Variants in PTPN13 observed in about 807,000 individuals in gnomAD.
PTPN13 encodes the protein protein tyrosine phosphatase non-receptor type 13, also known as tyrosine-protein phosphatase non-receptor type 13.
Under a neutral mutation model 284.0 loss-of-function variants are expected in PTPN13, and 191 were observed. That is an observed-to-expected ratio of 0.67 (90% CI 0.60 to 0.76). The LOEUF is 0.76. Ranked by LOEUF, PTPN13 falls within the 30% of genes least tolerant of loss-of-function variation. The pLI, the probability that PTPN13 is intolerant of heterozygous loss-of-function variation, is 0.00. For synonymous variants in PTPN13, 986 were observed against 1,022.3 expected, an observed-to-expected ratio of 0.96 and a Z score of 0.68; for missense variants, 2,797 against 2,939.9, an observed-to-expected ratio of 0.95 and a Z score of 1.12.
chr4:86,607,244 A>G (rs1038680522), intron 1 of PTPN13, among the ~76,000 whole-genome samples: 4 of 151,866 alleles, frequency 2.6e-5, no homozygotes, highest in African/African-American at 9.7e-5. Context: ...CAACCTTTTT[A>G]TACTACATGA....
At chr4:86,694,803 C>T in intron 6 of PTPN13, among the ~76,000 whole-genome samples, 1 of 151,848 alleles carries the variant, frequency 6.6e-6, no homozygotes, top group Non-Finnish European at 1.5e-5. Context: ...TAGATCTTGT[C>T]CTAGATCTTG....
At chr4:86,677,634 G>GTT (rs1268754143) in intron 3 of PTPN13, among the ~76,000 whole-genome samples, 1 of 140,296 alleles carries the variant, frequency 7.1e-6, no homozygotes, top group African/African-American at 2.6e-5. Context: ...TCTTGTGTGG[G>GTT]TTTTTTTTTT....
chr4:86,605,373 G>T (rs1439580539), intron 1 of PTPN13, among the ~76,000 whole-genome samples: 1 of 151,904 alleles, frequency 6.6e-6, no homozygotes, highest in Non-Finnish European at 1.5e-5. Context: ...TCTGATCTAT[G>T]AGGATTCATA....
rs1431460280 is a variant in PTPN13 at position 86,745,063 on chromosome 4, C to G, written c.2585C>G (p.Ser862Cys). Residue 862 changes from serine to cysteine, a missense_variant, in exon 17 of 48, where the codon TCT becomes TGT. Ser to Cys is a moderately radical substitution (Grantham distance 112, BLOSUM62 -1). Coordinates refer to ENST00000411767, the MANE Select transcript of PTPN13 (RefSeq NM_080683.3). ...KICQYLLHLC[S>C]YQHKFQLQMR... Reference sequence around the variant, plus strand: ...TGCCAGTACCTGCTGCACCTCTGCTCTTACCAGCATAAGTTCCAGCTACAG... The same window carrying G: ...TGCCAGTACCTGCTGCACCTCTGCTGTTACCAGCATAAGTTCCAGCTACAG... The G allele has an allele frequency of 1.2e-6, 2 of 1,612,290 alleles. No individual in the cohort carries two copies. Among genetic ancestry groups the G allele is most frequent in the South Asian group, 2.2e-5 (2 of 90,498 alleles).
intron 7 of PTPN13, among the ~76,000 whole-genome samples, chr4:86,702,740 G>T (rs1045624971): frequency 6.6e-6 from 1 of 152,054 alleles, no homozygotes; most frequent in Non-Finnish European, 1.5e-5. Context: ...CAAGAGAAAA[G>T]AAGAGATAAT....
Position 86,732,439 on chromosome 4 carries a change from C to A in PTPN13, c.1648C>A (p.Pro550Thr), listed in dbSNP as rs746820043. The A allele has an allele frequency of 6.2e-7, 1 of 1,601,372 alleles. No individual in the cohort carries two copies. Among genetic ancestry groups the A allele is most frequent in the South Asian group, 1.1e-5 (1 of 88,900 alleles). ...GPEFVKMTIE[P>T]FISLDLPRSI... ...TGAGTTTGTGAAAATGACAATTGAA[C>A]CATTTATATCTTTGGATTTGCCACG... The change falls in exon 11 of 48, where the codon CCA (proline) becomes ACA (threonine). Residue 550 changes from proline (P) to threonine (T), a missense_variant. Transcript: ENST00000411767.
At chr4:86,725,046 C>G (rs921679265) in intron 10 of PTPN13, among the ~76,000 whole-genome samples, 3 of 151,220 alleles carry the variant, frequency 2.0e-5, no homozygotes, top group Non-Finnish European at 4.4e-5. Flanking sequence ...CATTTCCCAC[C>G]TATGAGTGAG....
In PTPN13 at chr4:86,809,923, G is replaced by A; in HGVS notation, c.7238G>A (p.Gly2413Glu). Residue 2413 changes from glycine (G) to glutamate (E), a missense_variant, in exon 46 of 48, where the codon GGA (glycine) becomes GAA (glutamate). Physicochemically the swap from Gly to Glu is moderately conservative, Grantham distance 98. Transcript: ENST00000411767. ...PIITHCSAGI[G>E]RSGTLICIDV... Reference sequence around the variant, plus strand: ...ATTACGCACTGCAGTGCTGGCATTGGACGTTCAGGGACCCTGATTTGCATA... The same window carrying A: ...ATTACGCACTGCAGTGCTGGCATTGAACGTTCAGGGACCCTGATTTGCATA... 6.2e-7 allele frequency: 1 copy of A among 1,613,976 alleles called. No homozygotes were observed. Among genetic ancestry groups the A allele is most frequent in the East Asian group, 2.2e-5 (1 of 44,866 alleles).
At chr4:86,680,820 C>T (rs531821194) in intron 3 of PTPN13, among the ~76,000 whole-genome samples, 2 of 152,308 alleles carry the variant, frequency 1.3e-5, no homozygotes, top group South Asian at 4.1e-4. Context: ...TGCTTCTGGG[C>T]TTCACTTCTT....
At chr4:86,802,556 G>A (rs1744153528) in intron 42 of PTPN13, among the ~76,000 whole-genome samples, 2 of 152,102 alleles carry the variant, frequency 1.3e-5, no homozygotes, top group East Asian at 1.9e-4. Context: ...ACTTCTGAAC[G>A]TCAGTGAGGT....
At chr4:86,736,755 C>A (rs1466895834) in intron 15 of PTPN13, among the ~76,000 whole-genome samples, 1 of 152,188 alleles carries the variant, frequency 6.6e-6, no homozygotes, top group Non-Finnish European at 1.5e-5. Flanking sequence ...CATTTGAATT[C>A]TTATTTCAAC....
chr4:86,737,107 G>A (rs1244229705), intron 15 of PTPN13, among the ~76,000 whole-genome samples: 1 of 152,080 alleles, frequency 6.6e-6, no homozygotes, highest in African/African-American at 2.4e-5. Context: ...CATAGTTAGG[G>A]ATGCATGCCT....
chr4:86,690,480 C>G (rs905878429), intron 5 of PTPN13, among the ~76,000 whole-genome samples: 2 of 151,930 alleles, frequency 1.3e-5, no homozygotes, highest in Non-Finnish European at 2.9e-5. Flanking sequence ...GAAGAATAGG[C>G]ATGTAAATAA....
At chr4:86,631,517 T>G (rs978307378) in intron 1 of PTPN13, among the ~76,000 whole-genome samples, 2 of 152,140 alleles carry the variant, frequency 1.3e-5, no homozygotes, top group African/African-American at 2.4e-5. Flanking sequence ...AAAAAAATCT[T>G]TAAGTTCTTG....
intron 7 of PTPN13, among the ~76,000 whole-genome samples, chr4:86,703,395 G>T (rs2149016546): frequency 6.6e-6 from 1 of 151,284 alleles, no homozygotes; most frequent in South Asian, 2.1e-4. Flanking sequence ...TGTCAAGCAT[G>T]CCCTCATGGA....
intron 2 of PTPN13, among the ~76,000 whole-genome samples, chr4:86,666,465 TAGA>T (rs1310788726): frequency 8.5e-5 from 13 of 152,332 alleles, no homozygotes; most frequent in African/African-American, 2.4e-4. Context: ...ACCTGTGGTA[TAGA>T]CTTAAAATGG....
chr4:86,762,700 C>T, intron 23 of PTPN13, 27 bp from the exon 24 acceptor site: 2 of 1,508,680 alleles, frequency 1.3e-6, no homozygotes, highest in Non-Finnish European at 1.8e-6. Flanking sequence ...TAACTTGTTA[C>T]TCTCATTGAT....
In PTPN13 at chr4:86,774,416, G is replaced by T; in HGVS notation, c.5393G>T (p.Ser1798Ile). 6.2e-7 allele frequency: 1 copy of T among 1,606,874 alleles called. No homozygotes were observed. Among genetic ancestry groups the T allele is most frequent in the Non-Finnish European group, 8.5e-7 (1 of 1,176,372 alleles). ...ACCCTAATTAAATCAGAAAAAGGAAGCCTGGGTTTTACAGTAACCAAAGGC... is the reference window on the plus strand; with the variant it reads ...ACCCTAATTAAATCAGAAAAAGGAATCCTGGGTTTTACAGTAACCAAAGGC... ...LITLIKSEKG[S>I]LGFTVTKGNQ... The change falls in exon 33 of 48, where the codon AGC becomes ATC. Residue 1798 changes from serine to isoleucine, a missense_variant. Physicochemically the swap from Ser to Ile is moderately radical, Grantham distance 142. Coordinates refer to ENST00000411767, the MANE Select transcript of PTPN13 (RefSeq NM_080683.3).
rs1297918486 is a variant in PTPN13, at chr4:86,764,692, A to G, written c.4117A>G (p.Lys1373Glu). Residue 1373 changes from lysine to glutamate, a missense_variant, in exon 25 of 48, where the codon AAA becomes GAA. Coordinates refer to ENST00000411767, the MANE Select transcript of PTPN13 (RefSeq NM_080683.3). The stretch of plus-strand genomic sequence containing the variant: ...AGATATCTTTGAGGTTGAACTGGCT[A>G]AAAATGATAACAGCTTGGGGATAAG... ...PGDIFEVELA[K>E]NDNSLGISVT... 1.2e-6 allele frequency: 2 copies of G among 1,606,334 alleles called. No homozygotes were observed. Among genetic ancestry groups the G allele is most frequent in the Non-Finnish European group, 1.7e-6 (2 of 1,178,102 alleles).
Sources: gnomAD v4.1 joint callset for allele counts (sites outside exome capture counted in the v4.1 genomes callset) on GRCh38, gnomAD v4.1.1 for gene constraint, MANE v1.5 for transcripts, NCBI Gene and HGNC (gene_info 2026-07-23, HGNC 2026-07-21) for gene names.